Variants in EIF2AK4 observed in about 807,000 individuals in gnomAD.
EIF2AK4 encodes eIF-2-alpha kinase GCN2.
Under a neutral mutation model 211.1 loss-of-function variants are expected in EIF2AK4, and 139 were observed. That is an observed-to-expected ratio of 0.66 (90% CI 0.57 to 0.76). The LOEUF (loss-of-function observed/expected upper bound fraction) is 0.76. Among genes scored for constraint, EIF2AK4 ranks in the 30% least tolerant of loss-of-function variants. The pLI is 0.00. For synonymous variants in EIF2AK4, 710 were observed against 751.3 expected (o/e 0.94, Z 0.90); for missense variants, 1,664 against 2,043.8 (o/e 0.81, Z 3.58).
intron 29 of EIF2AK4, among the ~76,000 whole-genome samples, chr15:40,017,501 C>CTT (rs1363648720): frequency 0.13 from 3,334 of 24,922 alleles, 415 homozygotes; most frequent in African/African-American, 0.15. Flanking sequence ...TACTCTGTTT[C>CTT]TATATATATA....
intron 7 of EIF2AK4, 124 bp from the exon 8 acceptor site, chr15:39,965,562 A>G (rs562779063): frequency 9.0e-6 from 10 of 1,117,066 alleles, no homozygotes; most frequent in South Asian, 3.1e-5. Flanking sequence ...ATAAAGTCCT[A>G]TTTTCCATAG....
chr15:39,982,459 T>C (rs2034804536), intron 13 of EIF2AK4, among the ~76,000 whole-genome samples: 1 of 152,262 alleles, frequency 6.6e-6, no homozygotes, highest in Non-Finnish European at 1.5e-5. Context: ...TTGTTCTGTG[T>C]AGCAACAGAC....
intron 13 of EIF2AK4, among the ~76,000 whole-genome samples, chr15:39,985,180 C>T (rs748127086): frequency 4.6e-5 from 7 of 152,150 alleles, no homozygotes; most frequent in Non-Finnish European, 8.8e-5. Context: ...ATTGAACCAG[C>T]CTTGCATCCC....
chr15:39,999,026 C>G (rs2035058929), intron 20 of EIF2AK4, among the ~76,000 whole-genome samples: 1 of 150,860 alleles, frequency 6.6e-6, no homozygotes, highest in African/African-American at 2.4e-5. Context: ...ATTCGTTGTG[C>G]TTTTGAAGTG....
Position 40,019,104 on chromosome 15 carries a change from T to C in EIF2AK4, c.4077T>C (p.Phe1359=). ...GGRYDLLIPQ[F]RGPQALGPVP... ...GTGTCTCTCCACAGATTCCCCAGTTTAGAGGGCCACAAGCTCTGGGGCCAG... is the reference window on the plus strand; with the variant it reads ...GTGTCTCTCCACAGATTCCCCAGTTCAGAGGGCCACAAGCTCTGGGGCCAG... The change falls in exon 30 of 39, where the codon TTT becomes TTC. Residue 1359 remains phenylalanine (F), a synonymous_variant. Transcript: ENST00000263791. 1 of 1,605,744 alleles carries C rather than the reference T, an allele frequency of 6.2e-7. No individual in the cohort carries two copies. Among genetic ancestry groups the C allele is most frequent in the Non-Finnish European group, 8.5e-7 (1 of 1,175,860 alleles).
chr15:40,028,780 T>C (rs1174222296), intron 33 of EIF2AK4, among the ~76,000 whole-genome samples: 2 of 152,146 alleles, frequency 1.3e-5, no homozygotes, highest in Non-Finnish European at 2.9e-5. Context: ...AACCAAGAAA[T>C]AGCCAAGTAG....
At chr15:40,027,784 G>A (rs905903113) in intron 33 of EIF2AK4, among the ~76,000 whole-genome samples, 24 of 151,926 alleles carry the variant, frequency 1.6e-4, no homozygotes, top group Non-Finnish European at 2.9e-5. Context: ...CCAGCTACTC[G>A]GGAGGCTGAG....
At chr15:40,030,940 T>C (rs1038387878) in intron 35 of EIF2AK4, among the ~76,000 whole-genome samples, 3 of 152,078 alleles carry the variant, frequency 2.0e-5, no homozygotes, top group Non-Finnish European at 4.4e-5. Context: ...TAGAGAATAA[T>C]AAAAGCAAAT....
chr15:40,017,511 A>ATT (rs2035321732), intron 29 of EIF2AK4, among the ~76,000 whole-genome samples: 1 of 8,234 alleles, frequency 1.2e-4, no homozygotes, highest in African/African-American at 4.8e-4. Flanking sequence ...CTATATATAT[A>ATT]TATATATATA....
chr15:39,944,083 A>G (rs1213351613), intron 3 of EIF2AK4, among the ~76,000 whole-genome samples: 7 of 152,226 alleles, frequency 4.6e-5, no homozygotes, highest in Non-Finnish European at 7.3e-5. Context: ...TGGGCAGACA[A>G]ACAATTTCGG....
In EIF2AK4 at chr15:39,961,909, C is replaced by G. The variant is rs780730977; in HGVS notation, c.859+10C>G. On this transcript the variant is annotated intron_variant, in intron 7 of 38. Coordinates refer to ENST00000263791, the MANE Select transcript of EIF2AK4 (RefSeq NM_001013703.4). ...AAAGGGAAATGTATTGGTGAGTAAA[C>G]TAGCAAAATCTATTCATATTATTGT... 3.8e-6 allele frequency: 6 copies of G among 1,587,642 alleles called. No individual in the cohort carries two copies. The highest frequency in any genetic ancestry group is 5.2e-6 in the Non-Finnish European group (6 of 1,157,786).
intron 13 of EIF2AK4, among the ~76,000 whole-genome samples, chr15:39,985,471 C>G (rs936706396): frequency 1.3e-5 from 2 of 152,132 alleles, no homozygotes; most frequent in African/African-American, 4.8e-5. Flanking sequence ...CACCTCTACA[C>G]AAATAAACTA....
intron 27 of EIF2AK4, among the ~76,000 whole-genome samples, chr15:40,012,735 A>C (rs1185755157): frequency 6.6e-6 from 1 of 152,160 alleles, no homozygotes; most frequent in African/African-American, 2.4e-5. Context: ...TCACATGTCA[A>C]CTTCTTTTCT....
chr15:39,972,516 T>A (rs1221978288), intron 9 of EIF2AK4, among the ~76,000 whole-genome samples: 1 of 152,178 alleles, frequency 6.6e-6, no homozygotes, highest in African/African-American at 2.4e-5. Context: ...ACTCTCTGAT[T>A]TGCTTTGTCT....
chr15:40,024,781 T>C (rs1482881114), intron 32 of EIF2AK4, among the ~76,000 whole-genome samples: 1 of 148,840 alleles, frequency 6.7e-6, no homozygotes. Context: ...TATGTTGGAG[T>C]GCAGTGGCGC....
chr15:40,008,905 C>T (rs960104068), intron 25 of EIF2AK4, among the ~76,000 whole-genome samples: 2 of 152,158 alleles, frequency 1.3e-5, no homozygotes, highest in African/African-American at 4.8e-5. Flanking sequence ...GCACATGGCT[C>T]ACCACTCGGT....
chr15:39,939,214 G>A (rs2034109961), intron 1 of EIF2AK4, among the ~76,000 whole-genome samples: 1 of 152,172 alleles, frequency 6.6e-6, no homozygotes, highest in Non-Finnish European at 1.5e-5. Context: ...TGCACTCCCA[G>A]CTTCCAGGAG....
Position 40,029,404 on chromosome 15 carries a change from A to C in EIF2AK4, c.4503-2A>C. On this transcript the variant is annotated splice_acceptor_variant, in intron 33 of 38. Transcript: ENST00000263791. LOFTEE classifies it high-confidence loss of function. ...TAATTGTTTTTGTTTGCTTGTTTTTAGAGAAGCTTCCGATAATCTTGCAGT... is the reference window on the plus strand; with the variant it reads ...TAATTGTTTTTGTTTGCTTGTTTTTCGAGAAGCTTCCGATAATCTTGCAGT... The C allele has an allele frequency of 6.2e-7, 1 of 1,612,618 alleles. No individual in the cohort carries two copies.
chr15:39,939,681 G>T lies in EIF2AK4; in HGVS notation c.257+64G>T, dbSNP rs905344113. On this transcript the variant is annotated intron_variant, in intron 2 of 38. Coordinates refer to ENST00000263791, the MANE Select transcript of EIF2AK4 (RefSeq NM_001013703.4). ...TTTCTGTTTTGACAACATAGAAACA[G>T]ATTGAAATTCGTAGTATTTTCTCCT... is the stretch of plus-strand genomic sequence containing the variant. The T allele has an allele frequency of 3.0e-5, 40 of 1,347,704 alleles. No individual in the cohort carries two copies. The South Asian group carries it at 5.4e-4, about 18-fold the overall frequency. The allele number at this position is 1,347,704 out of a possible 1,614,324, so 83.5% of individuals were successfully genotyped here. A position where few individuals can be genotyped will look rare whatever the true frequency, so the allele number is the denominator to read the frequency against.
Sources: gnomAD v4.1 joint callset for allele counts (sites outside exome capture counted in the v4.1 genomes callset) on GRCh38, gnomAD v4.1.1 for gene constraint, MANE v1.5 for transcripts, NCBI Gene and HGNC (gene_info 2026-07-23, HGNC 2026-07-21) for gene names.